SLC9A2: variants seen among roughly 807,000 people sequenced by gnomAD.
The protein encoded by SLC9A2 is solute carrier family 9 member A2.
SLC9A2 carries 42 observed loss-of-function variants against 71.7 expected under a neutral mutation model. The observed-to-expected ratio is 0.59, with a 90% CI of 0.46 to 0.76. The LOEUF (loss-of-function observed/expected upper bound fraction) is 0.76. Ranked by LOEUF, SLC9A2 falls within the 30% of genes least tolerant of loss-of-function variation. SLC9A2 has a pLI of 0.00. For synonymous variants in SLC9A2, 396 were observed against 392.5 expected (o/e 1.01, Z -0.10); for missense variants, 829 against 1,017.4 (o/e 0.81, Z 2.52).
intron 1 of SLC9A2, among the ~76,000 whole-genome samples, chr2:102,653,667 C>A (rs752237916): frequency 2.6e-5 from 4 of 152,114 alleles, no homozygotes; most frequent in Non-Finnish European, 5.9e-5. Flanking sequence ...CCTTTTGATA[C>A]AACAAGAAGA....
intron 3 of SLC9A2, among the ~76,000 whole-genome samples, chr2:102,665,773 TAAAAAAA>T (rs11426516): frequency 0.18 from 6,953 of 38,894 alleles, 456 homozygotes; most frequent in Middle Eastern, 0.35. Flanking sequence ...GACTCTGTCT[TAAAAAAA>T]AAAAAAAAAA....
chr2:102,706,288 C>T (rs1250763149), intron 11 of SLC9A2, among the ~76,000 whole-genome samples: 1 of 8,402 alleles, frequency 1.2e-4, no homozygotes, highest in African/African-American at 4.1e-4. Flanking sequence ...CATTGCAGTC[C>T]GCAGTCCGGC....
At chr2:102,695,780 ATATATATAT>A (rs1169483172) in intron 7 of SLC9A2, among the ~76,000 whole-genome samples, 41 of 14,546 alleles carry the variant, frequency 2.8e-3, no homozygotes, top group East Asian at 8.3e-3. Context: ...AATATATATT[ATATATATAT>A]TATATATATA....
chr2:102,650,536 T>A (rs1036109094), intron 1 of SLC9A2, among the ~76,000 whole-genome samples: 9 of 152,238 alleles, frequency 5.9e-5, no homozygotes, highest in Non-Finnish European at 1.2e-4. Context: ...TTAGATTATT[T>A]TTGTTTAATG....
At chr2:102,651,337 C>T (rs1193101837) in intron 1 of SLC9A2, among the ~76,000 whole-genome samples, 1 of 152,208 alleles carries the variant, frequency 6.6e-6, no homozygotes, top group Non-Finnish European at 1.5e-5. Flanking sequence ...GGGCCACAGG[C>T]TCTGCAGGCT....
chr2:102,702,735 A>G (rs1358257346), intron 9 of SLC9A2, among the ~76,000 whole-genome samples: 1 of 152,192 alleles, frequency 6.6e-6, no homozygotes, highest in Admixed American at 6.5e-5. Context: ...GGGCTTGGAT[A>G]CAAAGAAATA....
intron 2 of SLC9A2, among the ~76,000 whole-genome samples, chr2:102,663,546 A>G (rs901041625): frequency 4.6e-5 from 7 of 152,250 alleles, no homozygotes; most frequent in African/African-American, 1.7e-4. Context: ...CACACTGCTT[A>G]CCAGGCAGTA....
At chr2:102,691,691 C>A (rs1224832309) in intron 5 of SLC9A2, among the ~76,000 whole-genome samples, 1 of 152,186 alleles carries the variant, frequency 6.6e-6, no homozygotes, top group Non-Finnish European at 1.5e-5. Flanking sequence ...TTGCTATAAG[C>A]TTTATGATTA....
chr2:102,680,394 C>T (rs1677430711), intron 3 of SLC9A2, among the ~76,000 whole-genome samples: 1 of 151,994 alleles, frequency 6.6e-6, no homozygotes, highest in Non-Finnish European at 1.5e-5. Flanking sequence ...ATGCGGGTAA[C>T]CAGTGATTTA....
intron 2 of SLC9A2, among the ~76,000 whole-genome samples, chr2:102,662,480 C>T (rs1296864645): frequency 6.6e-6 from 1 of 152,108 alleles, no homozygotes; most frequent in East Asian, 1.9e-4. Flanking sequence ...AAACTCAGCA[C>T]CAACAGTACA....
At chr2:102,633,673 A>G (rs530497892) in intron 1 of SLC9A2, among the ~76,000 whole-genome samples, 1 of 152,310 alleles carries the variant, frequency 6.6e-6, no homozygotes, top group South Asian at 2.1e-4. Context: ...ACTCAGTAGT[A>G]CCAGAGCCAG....
intron 7 of SLC9A2, among the ~76,000 whole-genome samples, chr2:102,699,492 A>G (rs917396818): frequency 6.6e-6 from 1 of 152,180 alleles, no homozygotes; most frequent in Non-Finnish European, 1.5e-5. Context: ...TAGGAATGCA[A>G]TGGTGGAAGC....
intron 3 of SLC9A2, among the ~76,000 whole-genome samples, chr2:102,682,520 A>G (rs1677473103): frequency 6.6e-6 from 1 of 152,186 alleles, no homozygotes; most frequent in Non-Finnish European, 1.5e-5. Context: ...CAGGTGCCAT[A>G]TTCCAGTAGA....
chr2:102,620,122 T>A lies in SLC9A2; in HGVS notation c.274T>A (p.Ser92Thr). The A allele has an allele frequency of 1.9e-6, 3 of 1,603,414 alleles. No homozygotes were observed. The highest frequency in any genetic ancestry group is 1.7e-6 in the Non-Finnish European group (2 of 1,172,122). Reference sequence around the variant, plus strand: ...GATCACCCTTTGGATCCTGCTGGCCTCCCTGGCCAAGATTGGTGAGCGAAC... The same window carrying A: ...GATCACCCTTTGGATCCTGCTGGCCACCCTGGCCAAGATTGGTGAGCGAAC... ...FEITLWILLA[S>T]LAKIGFHLYH... Residue 92 changes from serine to threonine, a missense_variant, in exon 1 of 12, where the codon TCC becomes ACC. Ser to Thr is a moderately conservative substitution (Grantham distance 58). Coordinates refer to ENST00000233969, the MANE Select transcript of SLC9A2 (RefSeq NM_003048.6).
At chr2:102,659,235 C>T (rs1385760012) in intron 2 of SLC9A2, among the ~76,000 whole-genome samples, 1 of 150,500 alleles carries the variant, frequency 6.6e-6, no homozygotes, top group Non-Finnish European at 1.5e-5. Flanking sequence ...TCGAGACAAG[C>T]CTGACCGACA....
intron 8 of SLC9A2, 97 bp downstream of exon 8, chr2:102,701,328 T>C (rs1677870780): frequency 9.3e-6 from 9 of 967,360 alleles, no homozygotes; most frequent in Non-Finnish European, 1.2e-5. Context: ...TTATTATTAA[T>C]TGATCCGCCC....
chr2:102,631,301 T>G (rs1221918956), intron 1 of SLC9A2, among the ~76,000 whole-genome samples: 2 of 151,394 alleles, frequency 1.3e-5, no homozygotes, highest in Non-Finnish European at 2.9e-5. Context: ...TTTCTTTTTT[T>G]TTTGTGCTAG....
At chr2:102,691,568 A>G (rs1677663153) in intron 5 of SLC9A2, among the ~76,000 whole-genome samples, 1 of 152,210 alleles carries the variant, frequency 6.6e-6, no homozygotes, top group African/African-American at 2.4e-5. Flanking sequence ...GGGAGGGAGA[A>G]TAAGTAAGGC....
Position 102,665,330 on chromosome 2 carries a change from T to G in SLC9A2, c.984T>G (p.Phe328Leu), listed in dbSNP as rs1320374020. The G allele has an allele frequency of 1.9e-6, 3 of 1,613,352 alleles. No homozygotes were observed. The South Asian group carries it at 3.3e-5, about 18-fold the overall frequency. The change falls in exon 3 of 12, where the codon TTT becomes TTG. Residue 328 changes from phenylalanine (F) to leucine (L), a missense_variant. Phe to Leu is a conservative substitution (Grantham distance 22). Around this residue, in one of 3 missense-constraint regions of SLC9A2, gnomAD observed 500 missense variants for 726.3 expected, o/e 0.69. Transcript: ENST00000233969. The part of the protein sequence containing the change: ...SYLSYITAEM[F>L]HLSGIMAITA... Reference sequence around the variant, plus strand: ...TGTCCTACATCACAGCTGAAATGTTTCACCTCTCAGGCATCATGGCGTAAG... The same window carrying G: ...TGTCCTACATCACAGCTGAAATGTTGCACCTCTCAGGCATCATGGCGTAAG...
Sources: gnomAD v4.1 joint callset for allele counts (sites outside exome capture counted in the v4.1 genomes callset) on GRCh38, gnomAD v4.1.1 for gene constraint, gnomAD v4.1.1 regional missense constraint, MANE v1.5 for transcripts, NCBI Gene and HGNC (gene_info 2026-07-23, HGNC 2026-07-21) for gene names.